Variants in CTNNA1 observed in about 807,000 individuals in gnomAD.
The protein encoded by CTNNA1 is catenin alpha 1.
Under a neutral mutation model 98.4 loss-of-function variants are expected in CTNNA1, and 37 were observed. The ratio of observed to expected loss-of-function variants is 0.38; its 90% CI spans 0.29 to 0.49. The LOEUF (loss-of-function observed/expected upper bound fraction) is 0.49. Among genes scored for constraint, CTNNA1 ranks in the 20% least tolerant of loss-of-function variants. The pLI is 0.95. For synonymous variants in CTNNA1, 404 were observed against 413.2 expected, an observed-to-expected ratio of 0.98 and a Z score of 0.27; for missense variants, 761 against 1,147.2, an observed-to-expected ratio of 0.66 and a Z score of 4.86.
chr5:138,853,286 G>A (rs901182837), intron 7 of CTNNA1, among the ~76,000 whole-genome samples: 2 of 151,914 alleles, frequency 1.3e-5, no homozygotes, highest in African/African-American at 4.8e-5. Context: ...GACCACTGTT[G>A]AATTCAAATA....
intron 7 of CTNNA1, among the ~76,000 whole-genome samples, chr5:138,882,493 A>G (rs1258872772): frequency 6.6e-6 from 1 of 152,172 alleles, no homozygotes; most frequent in Non-Finnish European, 1.5e-5. Context: ...CTTTCAATGT[A>G]GGGCACTTTT....
At chr5:138,791,384 C>T (rs1339297268) in intron 3 of CTNNA1, among the ~76,000 whole-genome samples, 3 of 151,750 alleles carry the variant, frequency 2.0e-5, no homozygotes, top group South Asian at 4.2e-4. Flanking sequence ...TTTGGGAGGC[C>T]GAGGCGGGCA....
At chr5:138,777,013 C>T (rs1385237022) in intron 1 of CTNNA1, among the ~76,000 whole-genome samples, 69 of 152,324 alleles carry the variant, frequency 4.5e-4, no homozygotes, top group African/African-American at 1.6e-3. Context: ...CCCCACCTCC[C>T]TCCCGGATGG....
chr5:138,807,806 G>A (rs1024986202), intron 3 of CTNNA1, among the ~76,000 whole-genome samples: 4 of 152,036 alleles, frequency 2.6e-5, no homozygotes, highest in Admixed American at 2.0e-4. Context: ...GGAGTGCAGT[G>A]GCGTGTTCTC....
At chr5:138,814,014 G>C (rs1370320129) in intron 5 of CTNNA1, among the ~76,000 whole-genome samples, 3 of 152,166 alleles carry the variant, frequency 2.0e-5, no homozygotes, top group Non-Finnish European at 4.4e-5. Context: ...TATGCCATAG[G>C]GTTGAGAGGA....
intron 7 of CTNNA1, among the ~76,000 whole-genome samples, chr5:138,829,028 G>A (rs980914109): frequency 3.3e-5 from 5 of 152,068 alleles, no homozygotes; most frequent in African/African-American, 4.8e-5. Flanking sequence ...AGGCTGAGGC[G>A]GAAGAATCGC....
chr5:138,825,634 A>G (rs1014231539), intron 6 of CTNNA1, among the ~76,000 whole-genome samples: 3 of 150,980 alleles, frequency 2.0e-5, no homozygotes, highest in East Asian at 1.9e-4. Flanking sequence ...AAAAATTACA[A>G]TGGAGTGCAT....
chr5:138,825,482 G>GTTTTTTTTTGTTTTTTTTTTTTTTTT (rs1760586979), intron 6 of CTNNA1, among the ~76,000 whole-genome samples: 1 of 74,114 alleles, frequency 1.3e-5, no homozygotes, highest in African/African-American at 5.8e-5. Flanking sequence ...AGCAGTATAA[G>GTTTTTTTTTGTTTTTTTTTTTTTTTT]TTTTTTTTTT....
chr5:138,852,863 G>GCACGCGCACACACACA (rs1561594997), intron 7 of CTNNA1, among the ~76,000 whole-genome samples: 14 of 144,594 alleles, frequency 9.7e-5, no homozygotes, highest in East Asian at 6.3e-4. Context: ...CTCTTTTCGC[G>GCACGCGCACACACACA]CGCGCGCGCA....
intron 13 of CTNNA1, 117 bp from the exon 14 acceptor site, chr5:138,929,129 A>G (rs770387946): frequency 1.7e-4 from 127 of 765,592 alleles, no homozygotes; most frequent in Middle Eastern, 5.5e-4. Context: ...TGTTCAGAAC[A>G]CTGCACATTA....
In CTNNA1 at chr5:138,874,761, C is replaced by G. The variant is rs1185815767; in HGVS notation, c.1063-11451C>G. 1 of 794,284 alleles carries G rather than the reference C, an allele frequency of 1.3e-6. No homozygotes were observed. The allele number at this position is 794,284 out of a possible 1,614,324, so 49.2% of individuals were successfully genotyped here. ...CATTTAAAAAGAAGATAAAACATGT[C>G]TCTGTCATCATCGATATATGCTTTT... On this transcript the variant is annotated intron_variant, in intron 7 of 17. Coordinates refer to ENST00000302763, the MANE Select transcript of CTNNA1 (RefSeq NM_001903.5). This position sits in a 1 kb window ranked among gnomAD's most constrained non-coding sequence, Gnocchi z 4.1.
chr5:138,882,087 A>C (rs1753026101), intron 7 of CTNNA1, among the ~76,000 whole-genome samples: 1 of 152,232 alleles, frequency 6.6e-6, no homozygotes, highest in Non-Finnish European at 1.5e-5. Flanking sequence ...CATTTCATTC[A>C]TGTCCAATGG....
Position 138,892,847 on chromosome 5 carries a change from T to A in CTNNA1, c.1296+5205T>A, listed in dbSNP as rs995232405. 2.6e-5 allele frequency among the ~76,000 whole-genome samples: 4 copies of A among 151,688 alleles called. No individual in the cohort carries two copies. The South Asian group carries it at 8.4e-4, about 32-fold the overall frequency. ...GCCTGGCCAACATGGTGAAACTCTG[T>A]CTCTACTAAGAATACAAAAATAGCC... On this transcript the variant is annotated intron_variant, in intron 9 of 17. Transcript: ENST00000302763.
At chr5:138,811,566 T>C (rs1051447020) in intron 4 of CTNNA1, among the ~76,000 whole-genome samples, 33 of 151,496 alleles carry the variant, frequency 2.2e-4, no homozygotes, top group African/African-American at 4.4e-4. Context: ...CCAAGGCAGG[T>C]GGCTGGGAGG....
intron 3 of CTNNA1, among the ~76,000 whole-genome samples, chr5:138,794,479 A>C (rs1756717354): frequency 6.6e-6 from 1 of 152,244 alleles, no homozygotes; most frequent in Non-Finnish European, 1.5e-5. Flanking sequence ...TTTTTACCAA[A>C]TATCCCTCCT....
At chr5:138,827,216 G>T (rs745651439) in intron 6 of CTNNA1, among the ~76,000 whole-genome samples, 1 of 151,952 alleles carries the variant, frequency 6.6e-6, no homozygotes, top group Non-Finnish European at 1.5e-5. Flanking sequence ...AGTCTTATAC[G>T]GGTTTACCTT....
At chr5:138,774,480 T>A (rs1333163277) in intron 1 of CTNNA1, among the ~76,000 whole-genome samples, 1 of 152,178 alleles carries the variant, frequency 6.6e-6, no homozygotes, top group African/African-American at 2.4e-5. Flanking sequence ...GTGGTAAAGA[T>A]TGCCTGGAGT....
At chr5:138,860,853 G>A (rs1764206979) in intron 7 of CTNNA1, among the ~76,000 whole-genome samples, 2 of 152,084 alleles carry the variant, frequency 1.3e-5, no homozygotes, top group Admixed American at 6.5e-5. Context: ...TGGCTTGCAG[G>A]GTCTATCAGG....
rs78954934 is a variant in CTNNA1, at chr5:138,882,371, G to A, written c.1063-3841G>A. ...TGTGGGTGGGTCAGCATGGAAGATG[G>A]CAGAGTGACCATAGGTTCATTAAAG... On this transcript the variant is annotated intron_variant, in intron 7 of 17. Transcript: ENST00000302763. 3.6e-3 allele frequency among the ~76,000 whole-genome samples: 545 copies of A among 152,290 alleles called. 3 individuals are homozygous for A. The highest frequency in any genetic ancestry group is 6.0e-3 in the Non-Finnish European group (405 of 68,020).
Sources: gnomAD v4.1 joint callset for allele counts (sites outside exome capture counted in the v4.1 genomes callset) on GRCh38, gnomAD v4.1.1 for gene constraint, Gnocchi (gnomAD v3.1) non-coding constraint, MANE v1.5 for transcripts, NCBI Gene and HGNC (gene_info 2026-07-23, HGNC 2026-07-21) for gene names.